Variants in GABRA1 observed in about 807,000 individuals in gnomAD.
GABRA1 encodes the protein gamma-aminobutyric acid type A receptor subunit alpha1, also known as gamma-aminobutyric acid receptor subunit alpha-1.
In GABRA1, 9 loss-of-function variants were observed where a neutral mutation model predicts 48.9. The ratio of observed to expected loss-of-function variants is 0.18; its 90% confidence interval spans 0.11 to 0.32. The LOEUF (loss-of-function observed/expected upper bound fraction) is 0.32, where lower values mean the gene tolerates loss of function less well. Among genes scored for constraint, GABRA1 ranks in the 10% least tolerant of loss-of-function variants. The pLI, the probability that GABRA1 is intolerant of heterozygous loss-of-function variation, is 1.00. For missense variants in GABRA1, 285 were observed against 553.8 expected, an observed-to-expected ratio of 0.51 and a Z score of 4.87; for synonymous variants, 210 against 198.7, an observed-to-expected ratio of 1.06 and a Z score of -0.48.
At chr5:161,859,850 G>C (rs1333715666) in intron 3 of GABRA1, among the ~76,000 whole-genome samples, 2 of 151,748 alleles carry the variant, frequency 1.3e-5, no homozygotes, top group East Asian at 3.9e-4. Flanking sequence ...ATTAAAAGAT[G>C]GTTAGGTTTA....
intron 9 of GABRA1, 43 bp downstream of exon 9, chr5:161,895,911 T>A (rs918885784): frequency 2.0e-6 from 3 of 1,502,738 alleles, no homozygotes; most frequent in Admixed American, 3.3e-5. Context: ...ATATTATGTC[T>A]CTTTAAACCT....
At chr5:161,855,190 C>G (rs530013122) in intron 3 of GABRA1, among the ~76,000 whole-genome samples, 1 of 151,606 alleles carries the variant, frequency 6.6e-6, no homozygotes, top group South Asian at 2.1e-4. Flanking sequence ...TTAAGACAGC[C>G]ACTTCTTCTT....
Position 161,896,291 on chromosome 5 carries a change from A to G in GABRA1, c.1059+423A>G, listed in dbSNP as rs372376185. Reference sequence around the variant, plus strand: ...ATCATTTGGTCATAAATGTATAACCATAATGCCTCAATTAAATTAAGTTTG... The same window carrying G: ...ATCATTTGGTCATAAATGTATAACCGTAATGCCTCAATTAAATTAAGTTTG... On this transcript the variant is annotated intron_variant, in intron 9 of 9. Coordinates refer to ENST00000393943, the MANE Select transcript of GABRA1 (RefSeq NM_001127644.2). Among the ~76,000 whole-genome samples the G allele has an allele frequency of 2.6e-4, 39 of 152,348 alleles. No individual in the cohort carries two copies. In the South Asian group the frequency reaches 8.1e-3, roughly 32 times the overall value.
In GABRA1 at chr5:161,898,382, T is replaced by G. The variant is rs1755468252; in HGVS notation, c.*960T>G. Reference sequence around the variant, plus strand: ...TACATTAAAAGCTTTAGATTGAAATTTATGACTAGCAAACAAAAATAGAAT... The same window carrying G: ...TACATTAAAAGCTTTAGATTGAAATGTATGACTAGCAAACAAAAATAGAAT... On this transcript the variant is annotated 3_prime_UTR_variant, in exon 10 of 10. Coordinates refer to ENST00000393943, the MANE Select transcript of GABRA1 (RefSeq NM_001127644.2). 1 of 152,570 alleles carries G rather than the reference T, an allele frequency of 6.6e-6. No homozygotes were observed. The highest frequency in any genetic ancestry group is 1.5e-5 in the Non-Finnish European group (1 of 67,980). The allele number at this position is 152,570 out of a possible 1,614,324, so 9.5% of individuals were successfully genotyped here.
At chr5:161,847,375 A>G (rs796399688), upstream of GABRA1, 20 of 152,322 alleles carry the variant, frequency 1.3e-4, no homozygotes, top group African/African-American at 3.4e-4. Flanking sequence ...TTTATTAGTT[A>G]AATATTCTTC....
chr5:161,865,432 G>A (rs978616435), intron 3 of GABRA1, among the ~76,000 whole-genome samples: 1 of 152,116 alleles, frequency 6.6e-6, no homozygotes, highest in African/African-American at 2.4e-5. Flanking sequence ...AAGCAGTTTA[G>A]TATCATTTAG....
At chr5:161,850,743 T>C in intron 1 of GABRA1, 53 bp from the exon 2 acceptor site, 3 of 1,472,082 alleles carry the variant, frequency 2.0e-6, no homozygotes, top group South Asian at 1.1e-5. Context: ...CTGGTGGTTA[T>C]AACCTGATGT....
At chr5:161,855,340 G>A (rs1757607756) in intron 3 of GABRA1, among the ~76,000 whole-genome samples, 2 of 151,434 alleles carry the variant, frequency 1.3e-5, no homozygotes, top group East Asian at 1.9e-4. Context: ...GTGTATTATG[G>A]GTCTATTTTG....
In GABRA1 at chr5:161,897,232, C is replaced by T; in HGVS notation, c.1181C>T (p.Thr394Ile). 6.2e-7 allele frequency: 1 copy of T among 1,614,142 alleles called. No homozygotes were observed. The highest frequency in any genetic ancestry group is 8.5e-7 in the Non-Finnish European group (1 of 1,180,016). Residue 394 changes from threonine to isoleucine, a missense_variant, in exon 10 of 10, where the codon ACC (threonine) becomes ATC (isoleucine). Physicochemically the swap from Thr to Ile is moderately conservative, Grantham distance 89. Transcript: ENST00000393943. ...TTAGCCACCATTGCTAAAAGTGCAA[C>T]CATAGAACCTAAAGAGGTCAAGCCC... ...PGLATIAKSA[T>I]IEPKEVKPET... is the part of the protein sequence containing the mutation.
chr5:161,850,300 G>A, intron 1 of GABRA1: 1 of 250,782 alleles, frequency 4.0e-6, no homozygotes, highest in Non-Finnish European at 7.5e-6. Flanking sequence ...CAAGGTACCT[G>A]CAGAATTCAA....
At chr5:161,880,941 T>A (rs1754588633) in intron 6 of GABRA1, among the ~76,000 whole-genome samples, 1 of 152,200 alleles carries the variant, frequency 6.6e-6, no homozygotes, top group Admixed American at 6.6e-5. Context: ...GCATTATGAC[T>A]TTTATGAGCC....
intron 1 of GABRA1, among the ~76,000 whole-genome samples, chr5:161,849,731 C>T (rs1025305095): frequency 4.6e-5 from 7 of 152,130 alleles, no homozygotes; most frequent in Non-Finnish European, 2.9e-5. Context: ...TTTGAACATT[C>T]CTTATATTAT....
At chr5:161,890,848 C>T (rs761208235) in intron 7 of GABRA1, 50 bp from the exon 8 acceptor site, 3 of 1,569,422 alleles carry the variant, frequency 1.9e-6, no homozygotes, top group Non-Finnish European at 2.6e-6. Flanking sequence ...CAGAGATTAC[C>T]TTTTTCTAAA....
In GABRA1 at chr5:161,873,158, T is replaced by C. The variant is rs750394365; in HGVS notation, c.297T>C (p.Asp99=). The part of the protein sequence containing the change: ...IDVFFRQSWK[D]ERLKFKGPMT... The stretch of plus-strand genomic sequence containing the variant: ...TATTTTTCCGTCAAAGCTGGAAGGA[T>C]GAAAGGTTAAAATTTAAAGGACCTA... Residue 99 remains aspartate (D), a synonymous_variant, in exon 5 of 10, where the codon GAT becomes GAC. Coordinates refer to ENST00000393943, the MANE Select transcript of GABRA1 (RefSeq NM_001127644.2). 6.2e-6 allele frequency: 10 copies of C among 1,613,652 alleles called. No homozygotes were observed. In the Admixed American group the frequency reaches 6.7e-5, roughly 11 times the overall value.
At chr5:161,854,306 A>G in intron 3 of GABRA1, 36 bp downstream of exon 3, 2 of 1,065,318 alleles carry the variant, frequency 1.9e-6, no homozygotes, top group South Asian at 2.5e-5. Flanking sequence ...TTTAGAGAAT[A>G]ATATGAGATC....
rs1257542372 is a variant in GABRA1 at position 161,899,569 on chromosome 5, G to A, written c.*2147G>A. 3 of 151,756 alleles carry A rather than the reference G, an allele frequency of 2.0e-5. No homozygotes were observed. Among genetic ancestry groups the A allele is most frequent in the Non-Finnish European group, 2.9e-5 (2 of 67,874 alleles). The allele number at this position is 151,756 out of a possible 1,614,324, so 9.4% of individuals were successfully genotyped here. A position where few individuals can be genotyped will look rare whatever the true frequency, so the allele number is the denominator to read the frequency against. On this transcript the variant is annotated 3_prime_UTR_variant, in exon 10 of 10. Transcript: ENST00000393943. ...GTCTGCTTCCTGCTACGCAATGACT[G>A]CATTTCTATCATTTCTCAGTTTGTT...
intron 1 of GABRA1, among the ~76,000 whole-genome samples, chr5:161,849,444 C>T (rs1757352800): frequency 6.6e-6 from 1 of 152,074 alleles, no homozygotes; most frequent in Non-Finnish European, 1.5e-5. Flanking sequence ...TGTTTCAAAA[C>T]CAGTCACTAA....
In GABRA1 at chr5:161,872,983, C is replaced by T. The variant is rs10058095; in HGVS notation, c.256-134C>T. 107,003 of 739,542 alleles carry T rather than the reference C, an allele frequency of 0.14. 9,827 individuals carry two copies. The highest frequency in any genetic ancestry group is 0.32 in the African/African-American group (18,382 of 57,768). The allele number at this position is 739,542 out of a possible 1,614,324, so 45.8% of individuals were successfully genotyped here. A position where few individuals can be genotyped will look rare whatever the true frequency, so the allele number is the denominator to read the frequency against. ...ACATCAACATGTACATGCTATCACA[C>T]GTTTACTTCTAAAAACATCACCTAG... On this transcript the variant is annotated intron_variant, in intron 4 of 9. Coordinates refer to ENST00000393943, the MANE Select transcript of GABRA1 (RefSeq NM_001127644.2).
intron 3 of GABRA1, among the ~76,000 whole-genome samples, chr5:161,856,134 A>G (rs1757635466): frequency 6.6e-6 from 1 of 151,340 alleles, no homozygotes; most frequent in African/African-American, 2.4e-5. Flanking sequence ...TATTTTAACT[A>G]ATTCTCATAT....
Sources: gnomAD v4.1 joint callset for allele counts (sites outside exome capture counted in the v4.1 genomes callset) on GRCh38, gnomAD v4.1.1 for gene constraint, MANE v1.5 for transcripts, NCBI Gene and HGNC (gene_info 2026-07-23, HGNC 2026-07-21) for gene names.